The following ARID2 variants were observed in gnomAD, a reference collection of about 807,000 sequenced individuals.
ARID2 encodes the protein AT-rich interactive domain-containing protein 2.
Under a neutral mutation model 184.6 loss-of-function variants are expected in ARID2, and 32 were observed. The ratio of observed to expected loss-of-function variants is 0.17; its 90% confidence interval spans 0.13 to 0.23. The LOEUF (loss-of-function observed/expected upper bound fraction) is 0.23. ARID2 is among the 10% of genes least tolerant of loss of function. ARID2 has a pLI of 1.00. For synonymous variants in ARID2, 836 were observed against 772.6 expected, an observed-to-expected ratio of 1.08 and a Z score of -1.36; for missense variants, 1,696 against 2,197.6, an observed-to-expected ratio of 0.77 and a Z score of 4.56.
chr12:45,730,453 A>AGCCCCGCGCCC (rs1237350993), intron 2 of ARID2, among the ~76,000 whole-genome samples: 1 of 143,594 alleles, frequency 7.0e-6, no homozygotes, highest in Admixed American at 6.9e-5. Flanking sequence ...CGCCAGCCTG[A>AGCCCCGCGCCC]GCCCCGCGCC....
Position 45,892,045 on chromosome 12 carries a change from G to A in ARID2, c.5096G>A (p.Gly1699Glu). 1.9e-6 allele frequency: 3 copies of A among 1,614,050 alleles called. No individual in the cohort carries two copies. The highest frequency in any genetic ancestry group is 2.5e-6 in the Non-Finnish European group (3 of 1,179,972). ...KHCSKDALLA[G>E]LKQDEPGQAG... ...TGTTCAAAGGATGCCCTACTTGCAG[G>A]ATTAAAACAAGATGAACCAGGACAA... The change falls in exon 18 of 21, where the codon GGA becomes GAA. Residue 1699 changes from glycine (G) to glutamate (E), a missense_variant. Coordinates refer to ENST00000334344, the MANE Select transcript of ARID2 (RefSeq NM_152641.4).
intron 3 of ARID2, among the ~76,000 whole-genome samples, chr12:45,752,214 C>T (rs1486160711): frequency 6.6e-6 from 1 of 152,118 alleles, no homozygotes. Context: ...TATTGAACGC[C>T]ATGAACAAAC....
At chr12:45,805,559 G>A (rs1942584489) in intron 3 of ARID2, among the ~76,000 whole-genome samples, 1 of 151,896 alleles carries the variant, frequency 6.6e-6, no homozygotes, top group Non-Finnish European at 1.5e-5. Context: ...TTTACTTTCT[G>A]TACCTATTAT....
At chr12:45,747,020 C>T (rs573641538) in intron 3 of ARID2, among the ~76,000 whole-genome samples, 1 of 152,280 alleles carries the variant, frequency 6.6e-6, no homozygotes, top group Admixed American at 6.5e-5. Flanking sequence ...CCGCCCGCCT[C>T]AGCCTCCCAA....
intron 3 of ARID2, among the ~76,000 whole-genome samples, chr12:45,740,621 C>T (rs1307621125): frequency 1.3e-5 from 2 of 152,068 alleles, no homozygotes; most frequent in Non-Finnish European, 2.9e-5. Context: ...TTATTACATT[C>T]AGAAACCTTA....
In ARID2 at chr12:45,754,241, T is replaced by C. The variant is rs114922754; in HGVS notation, c.284+22927T>C. 8.9e-3 allele frequency among the ~76,000 whole-genome samples: 1,357 copies of C among 152,342 alleles called. 26 individuals are homozygous for C. Among genetic ancestry groups the C allele is most frequent in the African/African-American group, 0.031 (1,307 of 41,570 alleles). On this transcript the variant is annotated intron_variant, in intron 3 of 20. Transcript: ENST00000334344. ...AGGGCTGAGTGATGCAGGTAAGTGC[T>C]TACATTTCTTCAGTGGCTCTCTATT...
At chr12:45,752,154 T>C (rs1318034726) in intron 3 of ARID2, among the ~76,000 whole-genome samples, 1 of 152,156 alleles carries the variant, frequency 6.6e-6, no homozygotes, top group African/African-American at 2.4e-5. Flanking sequence ...AGAAGATCCA[T>C]GGAGGGAAAA....
chr12:45,900,436 G>A (rs1052975946), intron 20 of ARID2, among the ~76,000 whole-genome samples: 1 of 152,150 alleles, frequency 6.6e-6, no homozygotes, highest in African/African-American at 2.4e-5. Context: ...GCCTAATACT[G>A]ATTGTACCAT....
Position 45,906,229 on chromosome 12 carries a change from CTT to C in ARID2, c.*1155_*1156del. ...TGCAGGTATGATATTTTCTTCACTA[CTT>C]TTTCTATCTTAATATAGTGTGGAAT... On this transcript the variant is annotated 3_prime_UTR_variant, in exon 21 of 21. Coordinates refer to ENST00000334344, the MANE Select transcript of ARID2 (RefSeq NM_152641.4). 4.3e-6 allele frequency: 1 copy of C among 232,770 alleles called. No homozygotes were observed. The highest frequency in any genetic ancestry group is 8.5e-6 in the Non-Finnish European group (1 of 117,566). 14.4% of individuals were successfully genotyped at this position (232,770 alleles called of 1,614,324 possible). A position where few individuals can be genotyped will look rare whatever the true frequency, so the allele number is the denominator to read the frequency against.
At chr12:45,745,452 T>A (rs1023844638) in intron 3 of ARID2, among the ~76,000 whole-genome samples, 21 of 152,302 alleles carry the variant, frequency 1.4e-4, no homozygotes, top group African/African-American at 4.8e-4. Context: ...CCAAATCAGA[T>A]CTGCATTTAT....
At position 45,850,323 on chromosome 12, in the gene ARID2, G is replaced by T; in HGVS notation, c.2200G>T (p.Val734Phe). The change falls in exon 15 of 21, where the codon GTT becomes TTT. Residue 734 changes from valine (V) to phenylalanine (F), a missense_variant. Physicochemically the swap from Val to Phe is conservative, Grantham distance 50. This residue lies in a region of ARID2 where 713 missense variants were observed against 824.4 expected (regional missense o/e 0.86). Transcript: ENST00000334344. Reference protein sequence around the residue: ...PQTGVPVSIAVGGGPPQSSVV... With the variant: ...PQTGVPVSIAFGGGPPQSSVV... ...GACAGGAGTTCCTGTTAGTATTGCT[G>T]TTGGAGGAGGACCTCCACAGAGTTC... The T allele has an allele frequency of 6.2e-7, 1 of 1,614,090 alleles. No homozygotes were observed. Among genetic ancestry groups the T allele is most frequent in the Non-Finnish European group, 8.5e-7 (1 of 1,179,984 alleles).
chr12:45,883,542 T>C (rs1034379791), intron 16 of ARID2, among the ~76,000 whole-genome samples: 2 of 147,912 alleles, frequency 1.4e-5, no homozygotes, highest in African/African-American at 5.0e-5. Context: ...TAACCTCTTA[T>C]CTAGTATGCT....
rs573424978 is a variant in ARID2 at position 45,768,211 on chromosome 12, A to AT, written c.284+36908dup. On this transcript the variant is annotated intron_variant, in intron 3 of 20. Coordinates refer to ENST00000334344, the MANE Select transcript of ARID2 (RefSeq NM_152641.4). ...TTTCTCAAAGGAATAGGATATCAAG[A>AT]TTTTTTTTTTTAGTGGCCTGTTGGT... Among the ~76,000 whole-genome samples, 840 of 147,396 alleles carry AT rather than the reference A, an allele frequency of 5.7e-3. 6 individuals carry two copies. The highest frequency in any genetic ancestry group is 0.02 in the African/African-American group (792 of 40,464).
At chr12:45,900,972 G>T (rs1944449334) in intron 20 of ARID2, among the ~76,000 whole-genome samples, 1 of 151,642 alleles carries the variant, frequency 6.6e-6, no homozygotes, top group African/African-American at 2.4e-5. Context: ...TGATGATGAT[G>T]TGTCTTCGGT....
chr12:45,890,938 G>A (rs1421210994), intron 16 of ARID2, among the ~76,000 whole-genome samples: 9 of 151,990 alleles, frequency 5.9e-5, no homozygotes, highest in African/African-American at 1.7e-4. Flanking sequence ...AGGCCAAGGC[G>A]GGCAGATCAT....
At chr12:45,808,281 A>G (rs1357583066) in intron 3 of ARID2, among the ~76,000 whole-genome samples, 1 of 152,232 alleles carries the variant, frequency 6.6e-6, no homozygotes, top group African/African-American at 2.4e-5. Context: ...TTTTAGAAGT[A>G]TAACTGAAAA....
chr12:45,867,359 C>T (rs1943846452), intron 16 of ARID2, among the ~76,000 whole-genome samples: 2 of 151,992 alleles, frequency 1.3e-5, no homozygotes, highest in South Asian at 4.1e-4. Context: ...CTCAAGTGAT[C>T]CCTCCCGCCT....
chr12:45,789,848 GGCTTATGTCTGTAATCCTA>G (rs1185115390), intron 3 of ARID2, among the ~76,000 whole-genome samples: 1 of 152,124 alleles, frequency 6.6e-6, no homozygotes, highest in African/African-American at 2.4e-5. Context: ...TGGGTGTAGT[GGCTTATGTCTGTAATCCTA>G]GCACTTTTGG....
intron 20 of ARID2, among the ~76,000 whole-genome samples, chr12:45,895,517 T>C (rs1944357849): frequency 6.6e-6 from 1 of 152,160 alleles, no homozygotes; most frequent in Admixed American, 6.5e-5. Context: ...TGGTGGGAAA[T>C]TCATTTTCTC....
Sources: allele counts gnomAD v4.1 joint callset (sites outside exome capture counted in the v4.1 genomes callset), GRCh38; gene constraint gnomAD v4.1.1; regional missense constraint gnomAD v4.1.1; transcripts MANE v1.5; gene names NCBI Gene and HGNC (gene_info 2026-07-23, HGNC 2026-07-21).